DCC: variants seen among roughly 807,000 people sequenced by gnomAD.
DCC encodes DCC netrin 1 receptor, also known as netrin receptor DCC.
DCC carries 58 observed loss-of-function variants against 172.5 expected under a neutral mutation model. The ratio of observed to expected loss-of-function variants is 0.34; its 90% CI spans 0.27 to 0.42. The LOEUF is 0.42. Ranked by LOEUF, DCC falls within the 10% of genes least tolerant of loss-of-function variation. The pLI is 1.00. For synonymous variants in DCC, 709 were observed against 644.5 expected, an observed-to-expected ratio of 1.10 and a Z score of -1.52; for missense variants, 1,740 against 1,791.0, an observed-to-expected ratio of 0.97 and a Z score of 0.51.
chr18:53,260,822 A>C (rs2056588054), intron 12 of DCC, among the ~76,000 whole-genome samples: 2 of 152,132 alleles, frequency 1.3e-5, no homozygotes, highest in Admixed American at 1.3e-4. Context: ...AGAGGCAGGC[A>C]GGCCTCCTTG....
intron 1 of DCC, among the ~76,000 whole-genome samples, chr18:52,562,190 G>A (rs1376633726): frequency 1.3e-5 from 2 of 152,150 alleles, no homozygotes; most frequent in African/African-American, 4.8e-5. Context: ...TACTGAGTAT[G>A]GCAAAATCAG....
At chr18:52,407,942 A>G (rs1986709704) in intron 1 of DCC, among the ~76,000 whole-genome samples, 1 of 152,080 alleles carries the variant, frequency 6.6e-6, no homozygotes, top group Non-Finnish European at 1.5e-5. Context: ...TACTCCATCC[A>G]ATACTAGCCT....
intron 25 of DCC, among the ~76,000 whole-genome samples, chr18:53,468,405 C>T (rs2045653568): frequency 6.4e-5 from 1 of 15,546 alleles, no homozygotes; most frequent in Non-Finnish European, 2.3e-4. Context: ...TATTTTGAGA[C>T]AGAATCTTGC....
intron 1 of DCC, among the ~76,000 whole-genome samples, chr18:52,372,735 A>G (rs1055314228): frequency 6.6e-5 from 10 of 152,252 alleles, no homozygotes; most frequent in African/African-American, 2.4e-4. Flanking sequence ...CTCACCTCCT[A>G]GCTTAGATAT....
At chr18:52,903,121 A>C (rs970936848) in intron 2 of DCC, among the ~76,000 whole-genome samples, 1 of 152,256 alleles carries the variant, frequency 6.6e-6, no homozygotes, top group Non-Finnish European at 1.5e-5. Context: ...TTCATTTTAC[A>C]TATTCCAGGC....
intron 2 of DCC, among the ~76,000 whole-genome samples, chr18:52,897,758 C>A (rs901167431): frequency 7.2e-5 from 11 of 152,190 alleles, no homozygotes; most frequent in Non-Finnish European, 5.9e-5. Context: ...CTTACCAGGA[C>A]TTCCTTTGCA....
chr18:53,398,066 T>G (rs1306708456), intron 18 of DCC, among the ~76,000 whole-genome samples: 1 of 152,140 alleles, frequency 6.6e-6, no homozygotes, highest in East Asian at 1.9e-4. Flanking sequence ...GTTTATAACT[T>G]TAACAAGGAT....
chr18:52,430,164 A>G (rs1486018347), intron 1 of DCC, among the ~76,000 whole-genome samples: 3 of 152,162 alleles, frequency 2.0e-5, no homozygotes, highest in Non-Finnish European at 4.4e-5. Context: ...TCTTGGTAGC[A>G]GAGAGCCTAG....
At chr18:53,101,803 C>CTGTG (rs140007932) in intron 7 of DCC, among the ~76,000 whole-genome samples, 2,614 of 141,636 alleles carry the variant, frequency 0.018, 69 homozygotes, top group African/African-American at 0.061. Context: ...TACCACTGGG[C>CTGTG]TGTGTGTGTG....
chr18:53,158,292 T>C (rs1238269253), intron 8 of DCC, among the ~76,000 whole-genome samples: 1 of 152,228 alleles, frequency 6.6e-6, no homozygotes, highest in South Asian at 2.1e-4. Context: ...AAGTGAGCTG[T>C]ACATATCTGG....
chr18:53,026,058 T>A (rs960484164), intron 5 of DCC, among the ~76,000 whole-genome samples: 1 of 152,066 alleles, frequency 6.6e-6, no homozygotes, highest in Admixed American at 6.6e-5. Flanking sequence ...GGGTGATTGG[T>A]CATGGGACTC....
chr18:53,392,523 A>G (rs1453130672), intron 17 of DCC, among the ~76,000 whole-genome samples: 1 of 152,156 alleles, frequency 6.6e-6, no homozygotes, highest in African/African-American at 2.4e-5. Context: ...AGAGATACAT[A>G]TTTGAGACAG....
chr18:52,714,744 G>A (rs9783883), intron 1 of DCC, among the ~76,000 whole-genome samples: 8,656 of 152,202 alleles, frequency 0.057, 829 homozygotes, highest in African/African-American at 0.2. Flanking sequence ...ATTCTTCCAA[G>A]TTGATACTAA....
At chr18:52,570,422 G>C (rs1298716576) in intron 1 of DCC, among the ~76,000 whole-genome samples, 1 of 152,106 alleles carries the variant, frequency 6.6e-6, no homozygotes, top group African/African-American at 2.4e-5. Context: ...GGGTTTGTTG[G>C]TTTTGCATGA....
chr18:53,404,385 T>A (rs1463046858), intron 19 of DCC, among the ~76,000 whole-genome samples: 1 of 90,990 alleles, frequency 1.1e-5, no homozygotes, highest in African/African-American at 3.1e-5. Flanking sequence ...GAAGAAAGCT[T>A]AATTTTGCTT....
chr18:53,329,113 G>T (rs989810907), intron 14 of DCC, among the ~76,000 whole-genome samples: 1 of 151,974 alleles, frequency 6.6e-6, no homozygotes, highest in Non-Finnish European at 1.5e-5. Flanking sequence ...GTGGAATTAG[G>T]CAGTTTTTTA....
rs112398365 is a variant in DCC at position 53,168,178 on chromosome 18, C to T, written c.1418+10666C>T. On this transcript the variant is annotated intron_variant, in intron 8 of 28. Transcript: ENST00000442544. ...TAGCGATTCCTCAAGGATCTACAACCAGAAATACCATTTGACCCAGCAATC... is the reference window on the plus strand; with the variant it reads ...TAGCGATTCCTCAAGGATCTACAACTAGAAATACCATTTGACCCAGCAATC... Among the ~76,000 whole-genome samples, 1,045 of 152,148 alleles carry T rather than the reference C, an allele frequency of 6.9e-3. 14 individuals carry two copies. Among genetic ancestry groups the T allele is most frequent in the African/African-American group, 0.024 (982 of 41,514 alleles).
intron 12 of DCC, among the ~76,000 whole-genome samples, chr18:53,247,905 G>C (rs536378213): frequency 6.6e-6 from 1 of 151,872 alleles, no homozygotes; most frequent in Non-Finnish European, 1.5e-5. Context: ...TTTAATATCC[G>C]TGTGGACATC....
chr18:52,980,500 AG>A (rs1253391178), intron 5 of DCC, among the ~76,000 whole-genome samples: 1 of 152,062 alleles, frequency 6.6e-6, no homozygotes, highest in Non-Finnish European at 1.5e-5. Context: ...GCTCGTTTCA[AG>A]GGATGATTAG....
Sources: gnomAD v4.1 joint callset for allele counts (sites outside exome capture counted in the v4.1 genomes callset) on GRCh38, gnomAD v4.1.1 for gene constraint, MANE v1.5 for transcripts, NCBI Gene and HGNC (gene_info 2026-07-23, HGNC 2026-07-21) for gene names.